The following SNX13 variants were observed in gnomAD, a reference collection of about 807,000 sequenced individuals.
The protein encoded by SNX13 is sorting nexin-13.
A neutral mutation model predicts 133.6 loss-of-function variants in SNX13; 45 were observed. That is an observed-to-expected ratio of 0.34 (90% CI 0.27 to 0.43). The LOEUF (loss-of-function observed/expected upper bound fraction) is 0.43, where lower values mean the gene tolerates loss of function less well. SNX13 is among the 20% of genes least tolerant of loss of function. SNX13 has a pLI of 1.00. For synonymous variants in SNX13, 414 were observed against 373.9 expected, an observed-to-expected ratio of 1.11 and a Z score of -1.24; for missense variants, 1,032 against 1,145.1, an observed-to-expected ratio of 0.90 and a Z score of 1.43.
chr7:17,803,662 T>C, intron 20 of SNX13, 82 bp from the exon 21 acceptor site: 1 of 1,222,256 alleles, frequency 8.2e-7, no homozygotes. Context: ...AAATATAGAG[T>C]GCAACACTGG....
chr7:17,876,186 T>C lies in SNX13; in HGVS notation c.441-396A>G, dbSNP rs192466777. On this transcript the variant is annotated intron_variant, in intron 5 of 25. Coordinates refer to ENST00000428135, the MANE Select transcript of SNX13 (RefSeq NM_015132.5). ...TTGCTTTAAAAGAGCATTTCAAACA[T>C]TTCTTGGTTTCTTCTGAACTCTTTC... Among the ~76,000 whole-genome samples the C allele has an allele frequency of 2.8e-3, 426 of 152,354 alleles. 12 individuals are homozygous for C. The highest frequency in any genetic ancestry group is 0.025 in the Admixed American group (389 of 15,308).
intron 20 of SNX13, among the ~76,000 whole-genome samples, chr7:17,810,854 C>A (rs1464680510): frequency 6.6e-6 from 1 of 152,168 alleles, no homozygotes; most frequent in East Asian, 1.9e-4. Flanking sequence ...TCAACATACA[C>A]AAATCAATAA....
At chr7:17,907,849 G>A (rs753639500) in intron 1 of SNX13, among the ~76,000 whole-genome samples, 2 of 152,018 alleles carry the variant, frequency 1.3e-5, no homozygotes. Flanking sequence ...AATTCCCAGG[G>A]TTCTGTTTTT....
chr7:17,919,083 C>G (rs981229667), intron 1 of SNX13, among the ~76,000 whole-genome samples: 1 of 152,150 alleles, frequency 6.6e-6, no homozygotes, highest in Non-Finnish European at 1.5e-5. Context: ...ACACTGGCCA[C>G]TGCAAAAGAG....
intron 2 of SNX13, among the ~76,000 whole-genome samples, chr7:17,896,824 G>T (rs1224076672): frequency 6.6e-6 from 1 of 151,858 alleles, no homozygotes; most frequent in Non-Finnish European, 1.5e-5. Flanking sequence ...TCAACTTAAG[G>T]GAAAACATAA....
chr7:17,827,821 T>C (rs147315666), intron 16 of SNX13, among the ~76,000 whole-genome samples: 102 of 151,986 alleles, frequency 6.7e-4, no homozygotes, highest in African/African-American at 2.3e-3. Flanking sequence ...ATCATTTTGA[T>C]AGAAATAGCA....
At chr7:17,935,229 C>T (rs567569738) in intron 1 of SNX13, among the ~76,000 whole-genome samples, 2 of 152,144 alleles carry the variant, frequency 1.3e-5, no homozygotes, top group Non-Finnish European at 2.9e-5. Flanking sequence ...CATGAACGAA[C>T]ATGGAGAACA....
At chr7:17,864,837 AG>A (rs1793180414) in intron 9 of SNX13, among the ~76,000 whole-genome samples, 2 of 151,834 alleles carry the variant, frequency 1.3e-5, no homozygotes, top group African/African-American at 4.8e-5. Flanking sequence ...GAAGAGGAGG[AG>A]GAGGAGGAGC....
intron 20 of SNX13, among the ~76,000 whole-genome samples, chr7:17,809,447 C>T (rs191754813): frequency 6.0e-4 from 92 of 152,082 alleles, no homozygotes; most frequent in African/African-American, 2.2e-3. Context: ...AATATATGCA[C>T]CCAATACAGG....
intron 25 of SNX13, chr7:17,795,977 GA>G (rs1443633927): frequency 6.6e-6 from 1 of 151,494 alleles, no homozygotes; most frequent in Non-Finnish European, 1.5e-5. Context: ...ATACAGGTAA[GA>G]AAACAAAATT....
intron 20 of SNX13, among the ~76,000 whole-genome samples, chr7:17,809,282 CAAAAAAAA>C (rs535077123): frequency 2.0e-5 from 1 of 49,274 alleles, no homozygotes; most frequent in African/African-American, 8.1e-5. Context: ...AGATGGAAAG[CAAAAAAAA>C]AAAAAAAAAA....
At chr7:17,883,114 G>A (rs1474077789) in intron 5 of SNX13, among the ~76,000 whole-genome samples, 1 of 152,184 alleles carries the variant, frequency 6.6e-6, no homozygotes, top group African/African-American at 2.4e-5. Flanking sequence ...TGTATTAAAG[G>A]AAATGGTATT....
At chr7:17,854,475 A>G (rs997221250) in intron 9 of SNX13, among the ~76,000 whole-genome samples, 7 of 152,200 alleles carry the variant, frequency 4.6e-5, no homozygotes, top group African/African-American at 1.7e-4. Flanking sequence ...GTTTTTTTTA[A>G]CAAACTGAAG....
At chr7:17,798,850 G>T in intron 23 of SNX13, 92 bp from the exon 24 acceptor site, 2 of 1,218,202 alleles carry the variant, frequency 1.6e-6, no homozygotes, top group Non-Finnish European at 1.2e-6. Flanking sequence ...ACTTAATCTG[G>T]ATGTAAATTA....
At chr7:17,871,067 G>A (rs941015869) in intron 8 of SNX13, among the ~76,000 whole-genome samples, 16 of 151,392 alleles carry the variant, frequency 1.1e-4, no homozygotes, top group Admixed American at 3.9e-4. Flanking sequence ...GTGCAGTGGC[G>A]CGATCTCAGC....
chr7:17,809,985 T>C (rs1010143697), intron 20 of SNX13, among the ~76,000 whole-genome samples: 2 of 151,686 alleles, frequency 1.3e-5, no homozygotes, highest in Middle Eastern at 3.4e-3. Context: ...TAGAGGAAAA[T>C]TTATAGCAGT....
chr7:17,868,684 G>A (rs10270757), intron 8 of SNX13, among the ~76,000 whole-genome samples, 194 bp from the exon 9 acceptor site: 5,696 of 152,112 alleles, frequency 0.037, 343 homozygotes, highest in African/African-American at 0.13. Context: ...ACAGTTACCT[G>A]TATCAACTTG....
chr7:17,809,208 C>A (rs1453680771), intron 20 of SNX13, among the ~76,000 whole-genome samples: 1 of 145,748 alleles, frequency 6.9e-6, no homozygotes, highest in Non-Finnish European at 1.5e-5. Flanking sequence ...ATTCAGGAGA[C>A]CCATCTCACA....
chr7:17,832,034 T>C (rs1788550065), intron 15 of SNX13: 1 of 983,790 alleles, frequency 1.0e-6, no homozygotes, highest in Non-Finnish European at 1.2e-6. Flanking sequence ...GGAAACAAAA[T>C]ATTAGAGAGC....
Sources: allele counts gnomAD v4.1 joint callset (sites outside exome capture counted in the v4.1 genomes callset), GRCh38; gene constraint gnomAD v4.1.1; transcripts MANE v1.5; gene names NCBI Gene and HGNC (gene_info 2026-07-23, HGNC 2026-07-21).